The following EYS variants were observed in gnomAD, a reference collection of about 807,000 sequenced individuals.
The protein encoded by EYS is protein eyes shut homolog.
Under a neutral mutation model 282.1 loss-of-function variants are expected in EYS, and 250 were observed. The observed-to-expected ratio is 0.89, with a 90% CI of 0.80 to 0.98. EYS has a LOEUF of 0.98. EYS is among the 50% of genes least tolerant of loss of function. The probability of loss-of-function intolerance (pLI) is 0.00; values close to 1 mark genes in which losing one functional copy is unlikely to be tolerated. For synonymous variants in EYS, 1,355 were observed against 1,282.9 expected (o/e 1.06, Z -1.20); for missense variants, 4,016 against 3,709.0 (o/e 1.08, Z -2.15).
chr6:64,089,349 A>C (rs1250915928), intron 31 of EYS, among the ~76,000 whole-genome samples: 1 of 150,424 alleles, frequency 6.6e-6, no homozygotes, highest in African/African-American at 2.4e-5. Context: ...ATTTATTATA[A>C]TATTATAAAA....
intron 13 of EYS, among the ~76,000 whole-genome samples, chr6:65,053,315 T>G (rs1420909007): frequency 6.6e-6 from 1 of 151,798 alleles, no homozygotes; most frequent in African/African-American, 2.4e-5. Context: ...ATTTCATGTA[T>G]TTGCTAAACA....
Position 65,391,773 on chromosome 6 carries a change from C to G in EYS, c.1185-7273G>C, listed in dbSNP as rs1235612455. Among the ~76,000 whole-genome samples, 5 of 152,124 alleles carry G rather than the reference C, an allele frequency of 3.3e-5. No homozygotes were observed. The East Asian group carries it at 9.7e-4, about 30-fold the overall frequency. Reference sequence around the variant, plus strand: ...AGGTAATTTACAGATTCAATGCCATCCCCATCAAGCTACCAATGACTTTCT... The same window carrying G: ...AGGTAATTTACAGATTCAATGCCATGCCCATCAAGCTACCAATGACTTTCT... On this transcript the variant is annotated intron_variant, in intron 7 of 42. Transcript: ENST00000503581.
chr6:63,989,292 G>A (rs148895987), intron 34 of EYS, among the ~76,000 whole-genome samples: 35 of 151,690 alleles, frequency 2.3e-4, no homozygotes, highest in African/African-American at 7.2e-4. Flanking sequence ...GAAACATTAA[G>A]TTTTGGAATA....
At chr6:65,002,606 T>C (rs1389651792) in intron 13 of EYS, among the ~76,000 whole-genome samples, 3 of 147,606 alleles carry the variant, frequency 2.0e-5, no homozygotes, top group African/African-American at 7.3e-5. Flanking sequence ...AAAATTTGAG[T>C]TAAATCCTAC....
chr6:65,176,194 T>A (rs62407236), intron 12 of EYS, among the ~76,000 whole-genome samples: 28,596 of 151,404 alleles, frequency 0.19, 2,983 homozygotes, highest in Middle Eastern at 0.23. Context: ...AAATTATTCC[T>A]CTTACATAAC....
chr6:64,703,410 C>CACACACACACACATATAT (rs1447947508), intron 22 of EYS, among the ~76,000 whole-genome samples: 21 of 51,530 alleles, frequency 4.1e-4, no homozygotes, highest in Non-Finnish European at 6.3e-4. Context: ...CACACACACA[C>CACACACACACACATATAT]ATATATATAT....
intron 12 of EYS, among the ~76,000 whole-genome samples, chr6:65,185,945 A>G (rs1236710845): frequency 6.6e-6 from 1 of 151,274 alleles, no homozygotes; most frequent in Non-Finnish European, 1.5e-5. Context: ...ATGAATATTT[A>G]ATCTCCACAT....
At chr6:65,363,052 A>G (rs9453277) in intron 8 of EYS, among the ~76,000 whole-genome samples, 100,433 of 149,620 alleles carry the variant, frequency 0.67, 34,552 homozygotes, top group South Asian at 0.71. Context: ...TGCCTTTGCC[A>G]TGACATTACA....
At chr6:64,302,965 G>T (rs2150373568) in intron 30 of EYS, among the ~76,000 whole-genome samples, 1 of 152,116 alleles carries the variant, frequency 6.6e-6, no homozygotes, top group South Asian at 2.1e-4. Context: ...CCATGGCATG[G>T]CTAGGACCCA....
intron 2 of EYS, among the ~76,000 whole-genome samples, chr6:65,536,237 C>A (rs1269709712): frequency 6.6e-6 from 1 of 151,446 alleles, no homozygotes. Flanking sequence ...AAAAATAGCA[C>A]CGAGACCTGA....
At chr6:64,409,218 C>G (rs1025185339) in intron 28 of EYS, among the ~76,000 whole-genome samples, 1 of 152,116 alleles carries the variant, frequency 6.6e-6, no homozygotes, top group African/African-American at 2.4e-5. Context: ...TAGGTTGATT[C>G]CATATCTTTT....
intron 15 of EYS, among the ~76,000 whole-genome samples, chr6:64,926,788 G>A (rs1427071414): frequency 6.6e-6 from 1 of 152,114 alleles, no homozygotes; most frequent in Non-Finnish European, 1.5e-5. Flanking sequence ...CCCATCTGGT[G>A]AAAGAAAGGT....
At chr6:64,867,946 T>C (rs1167313577) in intron 19 of EYS, among the ~76,000 whole-genome samples, 3 of 151,526 alleles carry the variant, frequency 2.0e-5, no homozygotes, top group Non-Finnish European at 4.4e-5. Context: ...ATCATTAATT[T>C]TGATTTTATT....
At chr6:65,136,712 AT>A (rs1259949255) in intron 12 of EYS, among the ~76,000 whole-genome samples, 11 of 152,174 alleles carry the variant, frequency 7.2e-5, no homozygotes, top group Admixed American at 7.2e-4. Flanking sequence ...TCGAGACAGG[AT>A]CTCATACTAT....
At chr6:64,048,732 T>C (rs1240037113) in intron 33 of EYS, among the ~76,000 whole-genome samples, 1 of 152,152 alleles carries the variant, frequency 6.6e-6, no homozygotes, top group Non-Finnish European at 1.5e-5. Flanking sequence ...ATGACCACTC[T>C]TTTGGAAATC....
chr6:64,718,428 C>T (rs530809142), intron 22 of EYS, among the ~76,000 whole-genome samples: 1 of 152,282 alleles, frequency 6.6e-6, no homozygotes, highest in Non-Finnish European at 1.5e-5. Context: ...ACATCTTTCT[C>T]AAGGTAAAAT....
chr6:64,593,674 C>T (rs1460615350), intron 24 of EYS, among the ~76,000 whole-genome samples: 2 of 152,098 alleles, frequency 1.3e-5, no homozygotes, highest in Non-Finnish European at 2.9e-5. Context: ...CTTTTCTGCT[C>T]TAAAAGTCAA....
chr6:63,910,151 A>G (rs1314622608), intron 35 of EYS, among the ~76,000 whole-genome samples: 1 of 152,204 alleles, frequency 6.6e-6, no homozygotes, highest in African/African-American at 2.4e-5. Context: ...TTCCAGCCCC[A>G]TAAGATAGAA....
chr6:64,553,702 A>AGGT (rs947231359), intron 26 of EYS, among the ~76,000 whole-genome samples: 10 of 152,222 alleles, frequency 6.6e-5, no homozygotes, highest in African/African-American at 2.4e-4. Flanking sequence ...AAGCACTCAT[A>AGGT]GGTCTTGGAT....
Sources: gnomAD v4.1 joint callset for allele counts (sites outside exome capture counted in the v4.1 genomes callset) on GRCh38, gnomAD v4.1.1 for gene constraint, MANE v1.5 for transcripts, NCBI Gene and HGNC (gene_info 2026-07-23, HGNC 2026-07-21) for gene names.